Variants in TMC1 observed in about 807,000 individuals in gnomAD.
TMC1 encodes transmembrane channel like 1, also known as transmembrane channel-like protein 1.
In TMC1, 84 loss-of-function variants were observed where a neutral mutation model predicts 105.8. The ratio of observed to expected loss-of-function variants is 0.79; its 90% CI spans 0.67 to 0.95. The LOEUF (loss-of-function observed/expected upper bound fraction) is 0.95. Among genes scored for constraint, TMC1 ranks in the 40% least tolerant of loss-of-function variants. The probability of loss-of-function intolerance (pLI) is 0.00; values close to 1 mark genes in which losing one functional copy is unlikely to be tolerated. For missense variants in TMC1, 817 were observed against 914.1 expected (o/e 0.89, Z 1.37); for synonymous variants, 315 against 311.5 (o/e 1.01, Z -0.12).
At chr9:72,545,139 C>T (rs4285542) in intron 1 of TMC1, among the ~76,000 whole-genome samples, 27,189 of 85,938 alleles carry the variant, frequency 0.32, 2,663 homozygotes, top group African/African-American at 0.37. Context: ...TATATATATA[C>T]ACACACACAC....
chr9:72,625,144 G>T (rs1276452190), intron 3 of TMC1, among the ~76,000 whole-genome samples: 4 of 152,194 alleles, frequency 2.6e-5, no homozygotes, highest in Admixed American at 2.6e-4. Flanking sequence ...ATGCAGGAAT[G>T]TGATGTCCAA....
intron 5 of TMC1, among the ~76,000 whole-genome samples, chr9:72,677,653 C>T (rs976657318): frequency 1.3e-5 from 2 of 152,132 alleles, no homozygotes; most frequent in African/African-American, 2.4e-5. Context: ...CAGATATAGA[C>T]AATCAATTAT....
At chr9:72,669,308 A>T (rs1001949185) in intron 5 of TMC1, among the ~76,000 whole-genome samples, 1 of 152,176 alleles carries the variant, frequency 6.6e-6, no homozygotes, top group African/African-American at 2.4e-5. Flanking sequence ...GACTCTATCT[A>T]AAGAAAAAAA....
intron 1 of TMC1, among the ~76,000 whole-genome samples, chr9:72,526,125 T>A (rs971210591): frequency 6.0e-4 from 91 of 152,208 alleles, no homozygotes; most frequent in Non-Finnish European, 1.6e-4. Flanking sequence ...GGTGTAAGTG[T>A]GTGTGTCCTC....
At chr9:72,821,133 G>A (rs1181147088) in intron 20 of TMC1, 52 bp downstream of exon 20, 1 of 1,612,742 alleles carries the variant, frequency 6.2e-7, no homozygotes, top group African/African-American at 1.3e-5. Flanking sequence ...CGGGGGTGGA[G>A]GTGGGAATGG....
At position 72,754,799 on chromosome 9, in the gene TMC1, T is replaced by C. The variant is rs749608265; in HGVS notation, c.656T>C (p.Leu219Ser). ...TTCTTCATACAGTACCTCTGGGGTT[T>C]GCCATATGGCAGTTTACCTAGGAAA... is the stretch of plus-strand genomic sequence containing the variant. ...LIMLPEYLWG[L>S]PYGSLPRKTV... is the part of the protein sequence containing the mutation. Residue 219 changes from leucine to serine, a missense_variant, in exon 12 of 24, where the codon TTG becomes TCG. Transcript: ENST00000297784. 12 of 1,613,808 alleles carry C rather than the reference T, an allele frequency of 7.4e-6. No homozygotes were observed. Among genetic ancestry groups the C allele is most frequent in the Non-Finnish European group, 9.3e-6 (11 of 1,179,776 alleles).
chr9:72,758,185 A>G (rs923876165), intron 12 of TMC1, among the ~76,000 whole-genome samples: 1 of 152,214 alleles, frequency 6.6e-6, no homozygotes, highest in African/African-American at 2.4e-5. Flanking sequence ...ATTATATTCT[A>G]AATTCAGCAG....
At chr9:72,826,771 TA>T in intron 20 of TMC1, 97 bp from the exon 21 acceptor site, 1 of 1,307,768 alleles carries the variant, frequency 7.6e-7, no homozygotes, top group Non-Finnish European at 1.1e-6. Flanking sequence ...AAAGAGGACC[TA>T]AGCAGTAATT....
chr9:72,759,378 C>G (rs904994062), intron 12 of TMC1, among the ~76,000 whole-genome samples: 3 of 152,252 alleles, frequency 2.0e-5, no homozygotes, highest in Non-Finnish European at 4.4e-5. Flanking sequence ...AGTCCCGTCT[C>G]CAGCATCACA....
chr9:72,681,789 T>A (rs1031027067), intron 5 of TMC1, among the ~76,000 whole-genome samples: 1 of 152,222 alleles, frequency 6.6e-6, no homozygotes, highest in African/African-American at 2.4e-5. Context: ...TCTTTCTGTT[T>A]GCCTCAGAGT....
At chr9:72,626,833 AT>A (rs1174040458) in intron 3 of TMC1, among the ~76,000 whole-genome samples, 1 of 152,190 alleles carries the variant, frequency 6.6e-6, no homozygotes, top group African/African-American at 2.4e-5. Flanking sequence ...TGTTTGCCAC[AT>A]CATGGGCCCT....
intron 8 of TMC1, among the ~76,000 whole-genome samples, chr9:72,725,224 A>G (rs1232318562): frequency 6.6e-6 from 1 of 150,866 alleles, no homozygotes; most frequent in African/African-American, 2.4e-5. Context: ...TAAAATGCAC[A>G]TATTAAAATA....
rs1344537276 is a variant in TMC1 at position 72,628,071 on chromosome 9, G to A, written c.-53+8G>A. The stretch of plus-strand genomic sequence containing the variant: ...GGAGCTGCAGAAGGGAAGGTAGTGA[G>A]GAGACAGTTAAATATTGAGCACGTT... On this transcript the variant is annotated splice_region_variant and intron_variant, in intron 4 of 23. Coordinates refer to ENST00000297784, the MANE Select transcript of TMC1 (RefSeq NM_138691.3). The A allele has an allele frequency of 2.2e-6, 1 of 455,712 alleles. No homozygotes were observed. Among genetic ancestry groups the A allele is most frequent in the Admixed American group, 2.3e-5 (1 of 42,572 alleles). The allele number at this position is 455,712 out of a possible 1,614,324, so 28.2% of individuals were successfully genotyped here. A position where few individuals can be genotyped will look rare whatever the true frequency, so the allele number is the denominator to read the frequency against.
chr9:72,563,004 A>T (rs1564412164), intron 1 of TMC1, among the ~76,000 whole-genome samples: 1 of 152,158 alleles, frequency 6.6e-6, no homozygotes, highest in Non-Finnish European at 1.5e-5. Flanking sequence ...TTGGACAGAG[A>T]TGTGGCATTT....
At chr9:72,813,709 C>T (rs145601251) in intron 18 of TMC1, among the ~76,000 whole-genome samples, 135 of 152,346 alleles carry the variant, frequency 8.9e-4, no homozygotes, top group African/African-American at 3.2e-3. Context: ...AGATTTGGCA[C>T]ATGGGCCATA....
intron 5 of TMC1, among the ~76,000 whole-genome samples, chr9:72,650,748 G>A (rs1825791068): frequency 6.6e-6 from 1 of 151,078 alleles, no homozygotes; most frequent in South Asian, 2.1e-4. Flanking sequence ...ATGAGAACGT[G>A]GTATTTGGTT....
intron 2 of TMC1, among the ~76,000 whole-genome samples, chr9:72,585,176 A>G (rs1038033872): frequency 4.1e-5 from 4 of 98,666 alleles, no homozygotes; most frequent in Non-Finnish European, 6.1e-5. Flanking sequence ...TTTGAGATGG[A>G]GTCTTGCTCT....
intron 4 of TMC1, among the ~76,000 whole-genome samples, chr9:72,637,451 G>A (rs1480159887): frequency 3.3e-5 from 5 of 152,074 alleles, no homozygotes; most frequent in Non-Finnish European, 5.9e-5. Flanking sequence ...TGCTTTGGAA[G>A]TAGGAACTCC....
At chr9:72,762,857 T>C (rs1257343725) in intron 12 of TMC1, among the ~76,000 whole-genome samples, 1 of 152,170 alleles carries the variant, frequency 6.6e-6, no homozygotes, top group African/African-American at 2.4e-5. Context: ...TGGGTCTCTT[T>C]GGTTCAACAG....
Sources: allele counts gnomAD v4.1 joint callset (sites outside exome capture counted in the v4.1 genomes callset), GRCh38; gene constraint gnomAD v4.1.1; transcripts MANE v1.5; gene names NCBI Gene and HGNC (gene_info 2026-07-23, HGNC 2026-07-21).